NEGR1: variants seen among roughly 807,000 people sequenced by gnomAD.
NEGR1 encodes the protein IgLON family member 4.
Under a neutral mutation model 40.9 loss-of-function variants are expected in NEGR1, and 10 were observed. The ratio of observed to expected loss-of-function variants is 0.24; its 90% confidence interval spans 0.15 to 0.42. NEGR1 has a LOEUF of 0.42. Ranked by LOEUF, NEGR1 falls within the 10% of genes least tolerant of loss-of-function variation. The pLI is 1.00. For synonymous variants in NEGR1, 185 were observed against 166.8 expected, an observed-to-expected ratio of 1.11 and a Z score of -0.84; for missense variants, 352 against 438.9, an observed-to-expected ratio of 0.80 and a Z score of 1.77.
chr1:72,105,917 C>T (rs2100256362), intron 1 of NEGR1, among the ~76,000 whole-genome samples: 1 of 152,124 alleles, frequency 6.6e-6, no homozygotes, highest in South Asian at 2.1e-4. Flanking sequence ...TTTTTGGAAA[C>T]ATTTAATGGA....
At chr1:71,533,118 C>A (rs1647407885) in intron 6 of NEGR1, among the ~76,000 whole-genome samples, 1 of 151,528 alleles carries the variant, frequency 6.6e-6, no homozygotes, top group Non-Finnish European at 1.5e-5. Flanking sequence ...ATTAGGCCAT[C>A]TTTCATTCTG....
intron 1 of NEGR1, among the ~76,000 whole-genome samples, chr1:72,214,912 T>A (rs1653744342): frequency 6.7e-6 from 1 of 148,960 alleles, no homozygotes; most frequent in African/African-American, 2.5e-5. Flanking sequence ...GTATAGCCAA[T>A]ACAATCCTAA....
chr1:72,046,151 A>C (rs1647000107), intron 1 of NEGR1, among the ~76,000 whole-genome samples: 1 of 151,738 alleles, frequency 6.6e-6, no homozygotes, highest in Non-Finnish European at 1.5e-5. Context: ...TCATTTGTAC[A>C]TAGTCTTAGT....
intron 1 of NEGR1, chr1:72,275,118 G>C (rs1452927679): frequency 1.2e-6 from 1 of 809,914 alleles, no homozygotes; most frequent in East Asian, 2.4e-5. Context: ...CAGAAAGCCA[G>C]ATCTTTATTT....
chr1:71,884,602 C>G (rs1485018366), intron 2 of NEGR1, among the ~76,000 whole-genome samples: 1 of 152,114 alleles, frequency 6.6e-6, no homozygotes, highest in African/African-American at 2.4e-5. Context: ...CAGTAAGAAA[C>G]AAATTTCTCA....
At chr1:72,113,340 G>A (rs893314328) in intron 1 of NEGR1, among the ~76,000 whole-genome samples, 2 of 151,486 alleles carry the variant, frequency 1.3e-5, no homozygotes, top group African/African-American at 4.8e-5. Context: ...AAATACAGTA[G>A]AGAAAGTAAA....
chr1:71,413,826 A>G (rs768140606), intron 6 of NEGR1, among the ~76,000 whole-genome samples: 2 of 152,172 alleles, frequency 1.3e-5, no homozygotes, highest in Non-Finnish European at 2.9e-5. Flanking sequence ...AATTATGATT[A>G]TCACTACCAA....
At chr1:72,031,367 C>T (rs182514865) in intron 1 of NEGR1, among the ~76,000 whole-genome samples, 3 of 152,206 alleles carry the variant, frequency 2.0e-5, no homozygotes, top group African/African-American at 2.4e-5. Context: ...TCCAGCCCCA[C>T]TTTACTCAGG....
intron 4 of NEGR1, among the ~76,000 whole-genome samples, chr1:71,665,217 T>A (rs566145599): frequency 6.6e-6 from 1 of 152,282 alleles, no homozygotes; most frequent in African/African-American, 2.4e-5. Context: ...AAAACTATAG[T>A]TTTCTTTACA....
chr1:71,977,821 C>CAA (rs35650252), intron 1 of NEGR1, among the ~76,000 whole-genome samples: 2,736 of 122,728 alleles, frequency 0.022, 83 homozygotes, highest in African/African-American at 0.075. Flanking sequence ...AAGCGCAAAA[C>CAA]AAAAAAAAAA....
intron 4 of NEGR1, among the ~76,000 whole-genome samples, chr1:71,650,443 A>G (rs1651673706): frequency 6.6e-6 from 1 of 152,188 alleles, no homozygotes. Flanking sequence ...ACTAGTAAGA[A>G]CAAGTTTCAC....
intron 1 of NEGR1, among the ~76,000 whole-genome samples, chr1:72,232,086 T>C (rs1244291507): frequency 6.6e-6 from 1 of 152,082 alleles, no homozygotes; most frequent in East Asian, 1.9e-4. Flanking sequence ...CCGGGCACAG[T>C]AGCTCACAAA....
intron 4 of NEGR1, among the ~76,000 whole-genome samples, chr1:71,615,355 C>A (rs1287444828): frequency 6.6e-6 from 1 of 151,722 alleles, no homozygotes; most frequent in Non-Finnish European, 1.5e-5. Flanking sequence ...GAAAACAGAG[C>A]AGGGTGAAAG....
chr1:71,923,943 C>T (rs1223999080), intron 2 of NEGR1, among the ~76,000 whole-genome samples: 3 of 151,022 alleles, frequency 2.0e-5, no homozygotes, highest in Non-Finnish European at 4.4e-5. Flanking sequence ...GGGTCTCGTT[C>T]TGTCACCCAG....
At chr1:71,480,317 G>T (rs562418389) in intron 6 of NEGR1, among the ~76,000 whole-genome samples, 1 of 151,792 alleles carries the variant, frequency 6.6e-6, no homozygotes, top group Non-Finnish European at 1.5e-5. Flanking sequence ...GCTTGCTTAA[G>T]GTTTTAGGGT....
chr1:71,566,085 C>T (rs900593583), intron 6 of NEGR1, among the ~76,000 whole-genome samples: 2 of 151,926 alleles, frequency 1.3e-5, no homozygotes, highest in Non-Finnish European at 2.9e-5. Flanking sequence ...CCCCTGAGAG[C>T]CTCCCGAAGG....
At chr1:72,134,763 G>GT (rs921429674) in intron 1 of NEGR1, among the ~76,000 whole-genome samples, 1 of 150,532 alleles carries the variant, frequency 6.6e-6, no homozygotes, top group African/African-American at 2.4e-5. Flanking sequence ...TTGAGATGGA[G>GT]TTTCGCTCTT....
chr1:71,828,114 T>C (rs1048689834), intron 2 of NEGR1, among the ~76,000 whole-genome samples: 15 of 151,944 alleles, frequency 9.9e-5, no homozygotes, highest in Admixed American at 9.2e-4. Flanking sequence ...ATAGTAGAGA[T>C]AGGAACTGAA....
At chr1:72,136,027 C>T (rs1483763060) in intron 1 of NEGR1, among the ~76,000 whole-genome samples, 1 of 152,028 alleles carries the variant, frequency 6.6e-6, no homozygotes, top group East Asian at 1.9e-4. Flanking sequence ...AACTAAAGTA[C>T]TTCTAATAAG....
Sources: gnomAD v4.1 joint callset for allele counts (sites outside exome capture counted in the v4.1 genomes callset) on GRCh38, gnomAD v4.1.1 for gene constraint, MANE v1.5 for transcripts, NCBI Gene and HGNC (gene_info 2026-07-23, HGNC 2026-07-21) for gene names.